Variants in TNRC6B observed in about 807,000 individuals in gnomAD.
TNRC6B encodes trinucleotide repeat-containing gene 6B protein.
A neutral mutation model predicts 203.6 loss-of-function variants in TNRC6B; 52 were observed. That is an observed-to-expected ratio of 0.26 (90% CI 0.20 to 0.32). The LOEUF (loss-of-function observed/expected upper bound fraction) is 0.32, where lower values mean the gene tolerates loss of function less well. TNRC6B is among the 10% of genes least tolerant of loss of function. The pLI is 1.00. For synonymous variants in TNRC6B, 838 were observed against 845.7 expected (o/e 0.99, Z 0.16); for missense variants, 1,923 against 2,286.2 (o/e 0.84, Z 3.24).
chr22:40,323,908 T>G lies in TNRC6B; in HGVS notation c.*667T>G, dbSNP rs769074140. The G allele has an allele frequency of 3.9e-5, 6 of 152,438 alleles. No individual in the cohort carries two copies. The highest frequency in any genetic ancestry group is 8.8e-5 in the Non-Finnish European group (6 of 68,152). The allele number at this position is 152,438 out of a possible 1,614,324, so 9.4% of individuals were successfully genotyped here. A position where few individuals can be genotyped will look rare whatever the true frequency, so the allele number is the denominator to read the frequency against. ...GTGTGTGCACGTGTGTTCATGTGCA[T>G]TCGCGTGCATCCTTCTCTGTCTCTG... On this transcript the variant is annotated 3_prime_UTR_variant, in exon 23 of 23. Coordinates refer to ENST00000454349, the MANE Select transcript of TNRC6B (RefSeq NM_001162501.2).
chr22:40,203,377 C>T (rs1363792865), intron 1 of TNRC6B, among the ~76,000 whole-genome samples: 2 of 152,076 alleles, frequency 1.3e-5, no homozygotes, highest in East Asian at 1.9e-4. Flanking sequence ...ATTTGCCCTT[C>T]CGTAACAAAA....
chr22:40,180,396 G>C (rs2069116527), intron 1 of TNRC6B, among the ~76,000 whole-genome samples: 1 of 152,204 alleles, frequency 6.6e-6, no homozygotes, highest in Non-Finnish European at 1.5e-5. Context: ...GGAGGAACCA[G>C]AGCAGGGTAC....
chr22:40,248,055 AC>A (rs1190235959), intron 2 of TNRC6B, among the ~76,000 whole-genome samples: 3 of 151,706 alleles, frequency 2.0e-5, no homozygotes, highest in Non-Finnish European at 4.4e-5. Context: ...AGCCTGGGTG[AC>A]AGAGTGAGAT....
intron 1 of TNRC6B, among the ~76,000 whole-genome samples, chr22:40,097,297 T>G (rs1310401443): frequency 6.6e-6 from 1 of 151,950 alleles, no homozygotes; most frequent in East Asian, 1.9e-4. Context: ...TCCTTTTTTT[T>G]TGTTTTTGTT....
chr22:40,242,720 G>A (rs915624469), intron 1 of TNRC6B, among the ~76,000 whole-genome samples: 22 of 151,874 alleles, frequency 1.4e-4, no homozygotes, highest in African/African-American at 4.8e-4. Context: ...GTGAGCCACC[G>A]CGCCCGTCCC....
intron 1 of TNRC6B, among the ~76,000 whole-genome samples, chr22:40,239,801 AGTGAATATT>A (rs1385651728): frequency 1.3e-5 from 2 of 152,242 alleles, no homozygotes; most frequent in African/African-American, 2.4e-5. Context: ...CCTCAGCTTA[AGTGAATATT>A]GTGAATATTG....
chr22:40,282,891 T>C (rs1229840010), intron 11 of TNRC6B, among the ~76,000 whole-genome samples: 3 of 152,200 alleles, frequency 2.0e-5, no homozygotes, highest in Admixed American at 6.5e-5. Flanking sequence ...AACAGTATAG[T>C]TGAAGCAAAT....
intron 1 of TNRC6B, among the ~76,000 whole-genome samples, chr22:40,231,592 A>C (rs1028131879): frequency 2.6e-5 from 4 of 151,960 alleles, no homozygotes; most frequent in Admixed American, 6.6e-5. Context: ...TTTTATATTG[A>C]TCTTGTATTT....
intron 2 of TNRC6B, among the ~76,000 whole-genome samples, chr22:40,120,184 C>T (rs2068430604): frequency 6.6e-6 from 1 of 152,008 alleles, no homozygotes; most frequent in Admixed American, 6.6e-5. Flanking sequence ...ATAGTGAAAT[C>T]CCAACTCTAC....
intron 1 of TNRC6B, among the ~76,000 whole-genome samples, chr22:40,054,819 C>G (rs906713487): frequency 6.6e-6 from 1 of 151,624 alleles, no homozygotes; most frequent in Admixed American, 6.6e-5. Flanking sequence ...AGGCAGGTCA[C>G]TTGAGTCCAG....
At chr22:40,163,289 C>T (rs1031545113) in intron 4 of TNRC6B, among the ~76,000 whole-genome samples, 5 of 148,188 alleles carry the variant, frequency 3.4e-5, no homozygotes, top group East Asian at 2.0e-4. Flanking sequence ...TGTTGTGTGC[C>T]GGTAGTTCCA....
intron 3 of TNRC6B, among the ~76,000 whole-genome samples, chr22:40,127,463 TCA>T (rs762540572): frequency 2.0e-5 from 3 of 150,674 alleles, no homozygotes; most frequent in East Asian, 2.0e-4. Context: ...GGAATCTCCC[TCA>T]CACACACACA....
intron 4 of TNRC6B, among the ~76,000 whole-genome samples, chr22:40,158,965 T>A (rs2068845146): frequency 6.6e-6 from 1 of 152,038 alleles, no homozygotes; most frequent in Non-Finnish European, 1.5e-5. Context: ...AGGAACTGAG[T>A]AATTTTTTTG....
At chr22:40,148,715 C>G (rs1364070712) in intron 3 of TNRC6B, among the ~76,000 whole-genome samples, 1 of 152,162 alleles carries the variant, frequency 6.6e-6, no homozygotes, top group African/African-American at 2.4e-5. Context: ...GGGGATAGGA[C>G]TTTGACAGAG....
chr22:40,291,024 A>G (rs1362035653), intron 12 of TNRC6B, among the ~76,000 whole-genome samples: 1 of 152,210 alleles, frequency 6.6e-6, no homozygotes, highest in African/African-American at 2.4e-5. Flanking sequence ...AGAATATTAA[A>G]TATTGGATTA....
intron 1 of TNRC6B, among the ~76,000 whole-genome samples, chr22:40,244,115 G>A (rs1361840600): frequency 2.6e-5 from 4 of 152,272 alleles, no homozygotes; most frequent in East Asian, 3.8e-4. Flanking sequence ...GCAGCCAGAG[G>A]AAGCAAAAGG....
At chr22:40,051,414 T>C (rs2067743345) in intron 1 of TNRC6B, among the ~76,000 whole-genome samples, 1 of 152,234 alleles carries the variant, frequency 6.6e-6, no homozygotes. Flanking sequence ...TCTTGATTTC[T>C]TACTCCTCCC....
intron 11 of TNRC6B, among the ~76,000 whole-genome samples, chr22:40,283,809 T>A (rs1396070659): frequency 6.6e-6 from 1 of 152,240 alleles, no homozygotes; most frequent in Non-Finnish European, 1.5e-5. Context: ...GTAAATTCTT[T>A]TCAATGCTTG....
At chr22:40,049,110 G>C (rs1279678033) in intron 1 of TNRC6B, among the ~76,000 whole-genome samples, 4 of 152,006 alleles carry the variant, frequency 2.6e-5, no homozygotes, top group Non-Finnish European at 4.4e-5. Flanking sequence ...GGCTGGGCGC[G>C]GTGGCTAACA....
Sources: gnomAD v4.1 joint callset for allele counts (sites outside exome capture counted in the v4.1 genomes callset) on GRCh38, gnomAD v4.1.1 for gene constraint, MANE v1.5 for transcripts, NCBI Gene and HGNC (gene_info 2026-07-23, HGNC 2026-07-21) for gene names.